Variants in MMRN1 observed in about 807,000 individuals in gnomAD.
The protein encoded by MMRN1 is multimerin-1.
In MMRN1, 94 loss-of-function variants were observed where a neutral mutation model predicts 100.7. The observed-to-expected ratio is 0.93, with a 90% CI of 0.79 to 1.11. The LOEUF (loss-of-function observed/expected upper bound fraction) is 1.11. Among genes scored for constraint, MMRN1 ranks in the 50% least tolerant of loss-of-function variants. The pLI is 0.00. For missense variants in MMRN1, 1,606 were observed against 1,439.1 expected, an observed-to-expected ratio of 1.12 and a Z score of -1.88; for synonymous variants, 575 against 505.0, an observed-to-expected ratio of 1.14 and a Z score of -1.86.
chr4:89,950,311 G>A (rs1236201775), intron 6 of MMRN1, among the ~76,000 whole-genome samples: 1 of 152,094 alleles, frequency 6.6e-6, no homozygotes. Context: ...TTGAAGAATT[G>A]TCTTTGTGCA....
At chr4:89,891,626 C>T (rs940186924), upstream of MMRN1, among the ~76,000 whole-genome samples, 2 of 152,020 alleles carry the variant, frequency 1.3e-5, no homozygotes, top group African/African-American at 2.4e-5. Context: ...TTCTCCAGCC[C>T]TTTTGCTGTA....
At chr4:89,937,078 A>T (rs1722670282) in intron 6 of MMRN1, among the ~76,000 whole-genome samples, 1 of 152,098 alleles carries the variant, frequency 6.6e-6, no homozygotes, top group South Asian at 2.1e-4. Flanking sequence ...GCTCCTATGG[A>T]ACAATTTGCT....
chr4:89,890,636 CT>C (rs1721035660), upstream of MMRN1, among the ~76,000 whole-genome samples: 1 of 152,096 alleles, frequency 6.6e-6, no homozygotes, highest in Non-Finnish European at 1.5e-5. Flanking sequence ...CCAGATACAG[CT>C]TTCCATTAAG....
chr4:89,905,872 C>T (rs1721550899), intron 1 of MMRN1, among the ~76,000 whole-genome samples: 1 of 151,442 alleles, frequency 6.6e-6, no homozygotes, highest in Non-Finnish European at 1.5e-5. Flanking sequence ...ACTATTGTGT[C>T]AATTAAAGCC....
intron 6 of MMRN1, among the ~76,000 whole-genome samples, chr4:89,938,476 C>CATATATATATAT (rs372673572): frequency 7.1e-4 from 88 of 123,570 alleles, no homozygotes; most frequent in Middle Eastern, 4.6e-3. Flanking sequence ...ATTTTTTAAA[C>CATATATATATAT]ATATATATAT....
intron 1 of MMRN1, among the ~76,000 whole-genome samples, chr4:89,888,310 T>C (rs917173612): frequency 6.6e-6 from 1 of 151,992 alleles, no homozygotes; most frequent in African/African-American, 2.4e-5. Flanking sequence ...TTTTACAAGA[T>C]ATAGAATTAT....
chr4:89,946,243 T>C (rs1480165071), intron 6 of MMRN1, among the ~76,000 whole-genome samples: 1 of 152,136 alleles, frequency 6.6e-6, no homozygotes, highest in Non-Finnish European at 1.5e-5. Context: ...GCATGTTACC[T>C]AGGAGCAGAT....
Position 89,935,290 on chromosome 4 carries a change from C to A in MMRN1, c.1610C>A (p.Ser537Ter). 6.2e-7 allele frequency: 1 copy of A among 1,613,690 alleles called. No individual in the cohort carries two copies. Among genetic ancestry groups the A allele is most frequent in the South Asian group, 1.1e-5 (1 of 91,030 alleles). Residue 537 changes from serine to a stop codon, truncating the protein, a stop_gained, in exon 6 of 8, where the codon TCA becomes TAA. Transcript: ENST00000264790. LOFTEE classifies it high-confidence loss of function. ...SDQKNAPAAE[S>*]VSNNVTEYMS... ...CAGAAGAATGCTCCAGCTGCTGAGTCAGTTAGCAATAATGTCACTGAGTAC... is the reference window on the plus strand; with the variant it reads ...CAGAAGAATGCTCCAGCTGCTGAGTAAGTTAGCAATAATGTCACTGAGTAC...
intron 4 of MMRN1, among the ~76,000 whole-genome samples, chr4:89,926,856 C>A (rs959497000): frequency 1.3e-5 from 2 of 152,086 alleles, no homozygotes; most frequent in African/African-American, 4.8e-5. Flanking sequence ...TATGGACATC[C>A]AATTTCCCCA....
intron 3 of MMRN1, among the ~76,000 whole-genome samples, chr4:89,916,710 ACTCT>A (rs1721932207): frequency 6.8e-6 from 1 of 146,514 alleles, no homozygotes; most frequent in Non-Finnish European, 1.5e-5. Flanking sequence ...TTTTCAATTT[ACTCT>A]CTCCTCTCCT....
intron 2 of MMRN1, among the ~76,000 whole-genome samples, chr4:89,910,764 A>T (rs929164153): frequency 6.6e-6 from 1 of 151,352 alleles, no homozygotes; most frequent in African/African-American, 2.4e-5. Flanking sequence ...GATGGAAGGG[A>T]TCTTGTAGCT....
intron 1 of MMRN1, among the ~76,000 whole-genome samples, chr4:89,907,551 C>T (rs1342666098): frequency 6.6e-6 from 1 of 151,168 alleles, no homozygotes; most frequent in African/African-American, 2.4e-5. Flanking sequence ...GGAAATTTTC[C>T]CTTTTTTTCT....
chr4:89,917,796 C>T lies in MMRN1; in HGVS notation c.851-5372C>T, dbSNP rs528904615. The stretch of plus-strand genomic sequence containing the variant: ...CTCAATAAGTTTGTAATTTTATTAA[C>T]ATCAGTTAAATTATCCTCCTGCTGA... On this transcript the variant is annotated intron_variant, in intron 3 of 7. Coordinates refer to ENST00000264790, the MANE Select transcript of MMRN1 (RefSeq NM_007351.3). Among the ~76,000 whole-genome samples the T allele has an allele frequency of 1.1e-4, 17 of 151,968 alleles. No individual in the cohort carries two copies. The East Asian group carries it at 2.3e-3, about 21-fold the overall frequency.
Position 89,935,035 on chromosome 4 carries a change from CTTTGA to C in MMRN1, c.1356_1360del (p.Leu453Ter). The C allele has an allele frequency of 6.2e-7, 1 of 1,613,432 alleles. No individual in the cohort carries two copies. The highest frequency in any genetic ancestry group is 8.5e-7 in the Non-Finnish European group (1 of 1,179,710). On this transcript the variant is annotated frameshift_variant, in exon 6 of 8. Coordinates refer to ENST00000264790, the MANE Select transcript of MMRN1 (RefSeq NM_007351.3). LOFTEE classifies it high-confidence loss of function. ...GTTTTGGTGCAAGAGAATCGGCCCA[CTTTGA>C]CTGATATAGTGGAACTAAGGAATCA...
At chr4:89,916,054 A>G (rs1462601155) in intron 3 of MMRN1, among the ~76,000 whole-genome samples, 1 of 151,738 alleles carries the variant, frequency 6.6e-6, no homozygotes, top group Non-Finnish European at 1.5e-5. Context: ...GCTCTTTATC[A>G]CAAGAGAGTA....
At chr4:89,906,903 G>T (rs1721581982) in intron 1 of MMRN1, among the ~76,000 whole-genome samples, 1 of 151,440 alleles carries the variant, frequency 6.6e-6, no homozygotes, top group South Asian at 2.1e-4. Context: ...GATTTCAAAA[G>T]GTCTCTGCCA....
chr4:89,943,070 G>A (rs541888883), intron 6 of MMRN1, among the ~76,000 whole-genome samples: 11 of 152,222 alleles, frequency 7.2e-5, no homozygotes, highest in Middle Eastern at 3.4e-3. Flanking sequence ...CAGAGGAAGA[G>A]CAACCTCTAA....
At chr4:89,924,636 A>T (rs546605273) in intron 4 of MMRN1, among the ~76,000 whole-genome samples, 1 of 151,776 alleles carries the variant, frequency 6.6e-6, no homozygotes, top group Admixed American at 6.6e-5. Flanking sequence ...TGAGGTGAGA[A>T]GATCGAAAAC....
At chr4:89,945,388 G>A (rs1166675889) in intron 6 of MMRN1, among the ~76,000 whole-genome samples, 1 of 152,078 alleles carries the variant, frequency 6.6e-6, no homozygotes, top group Admixed American at 6.6e-5. Flanking sequence ...TTGGTTATAA[G>A]ATACATAGTT....
Sources: gnomAD v4.1 joint callset for allele counts (sites outside exome capture counted in the v4.1 genomes callset) on GRCh38, gnomAD v4.1.1 for gene constraint, MANE v1.5 for transcripts, NCBI Gene and HGNC (gene_info 2026-07-23, HGNC 2026-07-21) for gene names.